Variants in ABR observed in about 807,000 individuals in gnomAD.
The protein encoded by ABR is ABR activator of RhoGEF and GTPase.
Under a neutral mutation model 107.2 loss-of-function variants are expected in ABR, and 35 were observed. That is an observed-to-expected ratio of 0.33 (90% CI 0.25 to 0.43). ABR has a LOEUF of 0.43. Among genes scored for constraint, ABR ranks in the 20% least tolerant of loss-of-function variants. ABR has a pLI of 1.00. For synonymous variants in ABR, 498 were observed against 462.0 expected (o/e 1.08, Z -1.00); for missense variants, 815 against 1,115.2 (o/e 0.73, Z 3.83).
chr17:1,091,865 GGAA>G lies in ABR; in HGVS notation c.346-18_346-16del. The G allele has an allele frequency of 6.2e-7, 1 of 1,609,196 alleles. No individual in the cohort carries two copies. ...GGTTTCATGGGCTGGGAGAAACAGAGGAAGAAAGAGCAGAGGTCGGGGGTAAAC... is the reference window on the plus strand; with the variant it reads ...GGTTTCATGGGCTGGGAGAAACAGAGGAAAGAGCAGAGGTCGGGGGTAAAC... On this transcript the variant is annotated splice_polypyrimidine_tract_variant and intron_variant, in intron 3 of 22. Transcript: ENST00000302538.
intron 1 of ABR, among the ~76,000 whole-genome samples, chr17:1,128,670 C>T (rs917402293): frequency 1.3e-5 from 2 of 152,218 alleles, no homozygotes; most frequent in African/African-American, 2.4e-5. Context: ...CAGCAGCCAT[C>T]CTGAACCATG....
chr17:1,058,935 C>G, intron 10 of ABR, 68 bp from the exon 11 acceptor site: 1 of 1,585,258 alleles, frequency 6.3e-7, no homozygotes, highest in Non-Finnish European at 8.6e-7. Flanking sequence ...GCACTAAGCA[C>G]GACACTCCAC....
intron 1 of ABR, among the ~76,000 whole-genome samples, chr17:1,146,666 C>T (rs2040545309): frequency 7.4e-6 from 1 of 134,776 alleles, no homozygotes; most frequent in Admixed American, 7.4e-5. Context: ...ACCACTGCCA[C>T]CAGGCCACCA....
chr17:1,118,222 TC>T (rs2039136827), intron 2 of ABR, among the ~76,000 whole-genome samples: 1 of 68,430 alleles, frequency 1.5e-5, no homozygotes, highest in African/African-American at 6.1e-5. Context: ...GCCTGAGTTC[TC>T]CCCAGCGTTA....
At chr17:1,012,867 G>A in intron 17 of ABR, 70 bp from the exon 18 acceptor site, 2 of 1,354,934 alleles carry the variant, frequency 1.5e-6, no homozygotes, top group Non-Finnish European at 2.1e-6. Context: ...CCAAAACACA[G>A]GGGTCCCCTC....
At chr17:1,100,977 C>A (rs887301911) in intron 2 of ABR, 8 of 544,666 alleles carry the variant, frequency 1.5e-5, no homozygotes, top group Middle Eastern at 1.0e-3. Flanking sequence ...GCACCTGCCA[C>A]CATGCCCAGA....
intron 1 of ABR, among the ~76,000 whole-genome samples, chr17:1,199,972 G>A (rs945172355): frequency 1.3e-5 from 2 of 148,384 alleles, no homozygotes; most frequent in African/African-American, 2.5e-5. Flanking sequence ...TGTGCACAAC[G>A]TGCAGGTCTG....
At chr17:1,174,944 G>T (rs2041866883) in intron 1 of ABR, among the ~76,000 whole-genome samples, 1 of 152,056 alleles carries the variant, frequency 6.6e-6, no homozygotes, top group South Asian at 2.1e-4. Context: ...CAGGGACCAA[G>T]AAAGTGTCAG....
intron 1 of ABR, among the ~76,000 whole-genome samples, chr17:1,133,517 A>G (rs867754030): frequency 1.3e-5 from 2 of 152,002 alleles, no homozygotes; most frequent in Non-Finnish European, 2.9e-5. Context: ...TGGATGATGA[A>G]TAGCATCTTA....
chr17:1,125,279 G>A lies in ABR; in HGVS notation c.150C>T (p.Ile50=), dbSNP rs757782412. Residue 50 remains isoleucine, a synonymous_variant, in exon 2 of 23, where the codon ATC becomes ATT. Transcript: ENST00000302538. ...GCGGGGACATGGTGGGCGACTCATC[G>A]ATGTACGGCATGGTCTCTGAGCCCT... ...PPEGSETMPY[I]DESPTMSPQL... is the part of the protein sequence containing the mutation. 1.1e-5 allele frequency: 17 copies of A among 1,613,674 alleles called. No homozygotes were observed. Among genetic ancestry groups the A allele is most frequent in the South Asian group, 8.8e-5 (8 of 91,080 alleles).
intron 2 of ABR, among the ~76,000 whole-genome samples, chr17:1,123,607 G>A (rs1247571291): frequency 6.6e-6 from 1 of 152,236 alleles, no homozygotes; most frequent in Non-Finnish European, 1.5e-5. Flanking sequence ...CGCGGGGACA[G>A]GCAGCGGCAA....
intron 16 of ABR, among the ~76,000 whole-genome samples, chr17:1,022,218 C>T (rs894089505): frequency 2.0e-5 from 3 of 152,170 alleles, no homozygotes; most frequent in African/African-American, 7.2e-5. Flanking sequence ...TTCACGCCTG[C>T]CCTGGAGGGG....
intron 1 of ABR, among the ~76,000 whole-genome samples, chr17:1,198,011 TGGGTTAGTTCTTTG>T (rs1032461756): frequency 2.6e-5 from 4 of 151,730 alleles, no homozygotes; most frequent in African/African-American, 9.7e-5. Context: ...CCCCACGCTG[TGGGTTAGTTCTTTG>T]GGGGCCCTAA....
chr17:1,094,052 T>A (rs982411955), intron 3 of ABR, among the ~76,000 whole-genome samples: 11 of 151,790 alleles, frequency 7.2e-5, no homozygotes, highest in Admixed American at 6.6e-5. Context: ...CGGTGTCCGG[T>A]CAGGCCCCTC....
Position 1,006,112 on chromosome 17 carries a change from G to A in ABR, c.2548C>T (p.Arg850Trp), listed in dbSNP as rs373385043. 1.5e-5 allele frequency: 23 copies of A among 1,583,672 alleles called. 2 individuals are homozygous for A. Among genetic ancestry groups the A allele is most frequent in the South Asian group, 1.2e-4 (10 of 86,558 alleles). Residue 850 changes from arginine (R) to tryptophan (W), a missense_variant, in exon 23 of 23, where the codon CGG (arginine) becomes TGG (tryptophan). Transcript: ENST00000302538. Reference sequence around the variant, plus strand: ...TCGGTGGAGAAGTACAGTGTGTTCCGCTTGAGTTCTGCGAAGGAAATGGGG... The same window carrying A: ...TCGGTGGAGAAGTACAGTGTGTTCCACTTGAGTTCTGCGAAGGAAATGGGG... ...HPPISFAELKRNTLYFSTDV is the reference protein window; with the variant it reads ...HPPISFAELKWNTLYFSTDV
At chr17:1,052,194 G>A (rs368645106) in intron 14 of ABR, among the ~76,000 whole-genome samples, 4 of 152,182 alleles carry the variant, frequency 2.6e-5, no homozygotes, top group African/African-American at 9.7e-5. Context: ...ACAGAACGGG[G>A]CTGGGGATTT....
chr17:1,056,191 G>C (rs988014438), intron 13 of ABR, 82 bp from the exon 14 acceptor site: 7 of 1,228,408 alleles, frequency 5.7e-6, no homozygotes, highest in South Asian at 4.8e-5. Context: ...GGAGGCAGAC[G>C]GGGTATGAGA....
intron 1 of ABR, among the ~76,000 whole-genome samples, chr17:1,192,775 G>A (rs938523846): frequency 2.0e-5 from 3 of 151,446 alleles, no homozygotes; most frequent in South Asian, 2.1e-4. Flanking sequence ...ATAGCTGGGC[G>A]TGGTGGAAGG....
In ABR at chr17:1,011,838, A is replaced by G; in HGVS notation, c.2101+8T>C. 1 of 1,565,878 alleles carries G rather than the reference A, an allele frequency of 6.4e-7. No homozygotes were observed. The highest frequency in any genetic ancestry group is 8.7e-7 in the Non-Finnish European group (1 of 1,148,436). ...CACACCTGCCCCGGCTGGGCCTCCCAGACTCACTGGCATCGAAGACGGCCT... is the reference window on the plus strand; with the variant it reads ...CACACCTGCCCCGGCTGGGCCTCCCGGACTCACTGGCATCGAAGACGGCCT... On this transcript the variant is annotated splice_region_variant and intron_variant, in intron 19 of 22. Transcript: ENST00000302538. This position sits in a 1 kb window ranked among gnomAD's most constrained non-coding sequence, Gnocchi z 4.8.
Sources: allele counts gnomAD v4.1 joint callset (sites outside exome capture counted in the v4.1 genomes callset), GRCh38; gene constraint gnomAD v4.1.1; non-coding constraint Gnocchi (gnomAD v3.1); transcripts MANE v1.5; gene names NCBI Gene and HGNC (gene_info 2026-07-23, HGNC 2026-07-21).